The following CTNNA3 variants were observed in gnomAD, a reference collection of about 807,000 sequenced individuals.
The protein encoded by CTNNA3 is catenin alpha-3.
Under a neutral mutation model 95.7 loss-of-function variants are expected in CTNNA3, and 76 were observed. The ratio of observed to expected loss-of-function variants is 0.79; its 90% confidence interval spans 0.66 to 0.96. The LOEUF (loss-of-function observed/expected upper bound fraction) is 0.96. Among genes scored for constraint, CTNNA3 ranks in the 40% least tolerant of loss-of-function variants. The pLI is 0.00. For missense variants in CTNNA3, 1,191 were observed against 1,089.8 expected (o/e 1.09, Z -1.31); for synonymous variants, 431 against 374.4 (o/e 1.15, Z -1.74).
At chr10:66,385,318 C>T (rs4483479) in intron 11 of CTNNA3, among the ~76,000 whole-genome samples, 72,741 of 151,928 alleles carry the variant, frequency 0.48, 17,843 homozygotes, top group African/African-American at 0.58. Context: ...AACACCTCTA[C>T]GCAAATAAAC....
rs144682940 is a variant in CTNNA3, at chr10:66,556,212, A to G, written c.1375-35439T>C. On this transcript the variant is annotated intron_variant, in intron 10 of 17. Transcript: ENST00000433211. ...AATATTATACAAAAAATGAAAGATT[A>G]TAAGTGTTGGCAAGGGTGAGCAGAA... 6.2e-3 allele frequency among the ~76,000 whole-genome samples: 936 copies of G among 152,166 alleles called. 6 individuals are homozygous for G. Among genetic ancestry groups the G allele is most frequent in the Non-Finnish European group, 0.011 (765 of 67,966 alleles).
chr10:67,389,614 C>T lies in CTNNA3; in HGVS notation c.579+132228G>A, dbSNP rs1812025596. 2.0e-5 allele frequency among the ~76,000 whole-genome samples: 3 copies of T among 147,746 alleles called. No homozygotes were observed. The South Asian group carries it at 6.5e-4, about 32-fold the overall frequency. On this transcript the variant is annotated intron_variant, in intron 5 of 17. Coordinates refer to ENST00000433211, the MANE Select transcript of CTNNA3 (RefSeq NM_013266.4). ...AAATCAACAGAATATACATTTTTTTCAGCACCACACCACACCTATTCCAAA... is the reference window on the plus strand; with the variant it reads ...AAATCAACAGAATATACATTTTTTTTAGCACCACACCACACCTATTCCAAA...
intron 11 of CTNNA3, among the ~76,000 whole-genome samples, chr10:66,516,795 T>A (rs1345771502): frequency 6.6e-6 from 1 of 152,210 alleles, no homozygotes; most frequent in African/African-American, 2.4e-5. Context: ...AAAGACTTTC[T>A]TCTCTAAAGT....
At chr10:66,582,916 TTC>T (rs1009001789) in intron 10 of CTNNA3, among the ~76,000 whole-genome samples, 3 of 151,816 alleles carry the variant, frequency 2.0e-5, no homozygotes, top group African/African-American at 4.8e-5. Context: ...TTTAAAAAAA[TTC>T]TGTTTATCTG....
intron 7 of CTNNA3, among the ~76,000 whole-genome samples, chr10:67,046,773 G>A (rs1854777567): frequency 6.6e-6 from 1 of 152,090 alleles, no homozygotes; most frequent in Admixed American, 6.5e-5. Context: ...TAAAAGCAGG[G>A]ACTCAGAGCC....
chr10:66,088,028 A>G (rs1293937539), intron 14 of CTNNA3, among the ~76,000 whole-genome samples: 2 of 152,048 alleles, frequency 1.3e-5, no homozygotes, highest in African/African-American at 2.4e-5. Flanking sequence ...TAAGAAAATC[A>G]AATGGATTAA....
chr10:66,734,885 A>AG (rs1033310487), intron 9 of CTNNA3, among the ~76,000 whole-genome samples: 3 of 151,776 alleles, frequency 2.0e-5, no homozygotes, highest in Non-Finnish European at 2.9e-5. Flanking sequence ...AAAAAAAAAA[A>AG]AAAGAAATTT....
chr10:66,711,201 G>A (rs1208206133), intron 9 of CTNNA3, among the ~76,000 whole-genome samples: 1 of 135,468 alleles, frequency 7.4e-6, no homozygotes, highest in African/African-American at 2.8e-5. Flanking sequence ...ACAGGACCTG[G>A]AATACACAAT....
chr10:66,524,756 GA>G (rs953759632), intron 10 of CTNNA3, among the ~76,000 whole-genome samples: 2 of 150,446 alleles, frequency 1.3e-5, no homozygotes, highest in African/African-American at 2.4e-5. Flanking sequence ...TGTTTAAAAA[GA>G]AAAAAAAATA....
intron 11 of CTNNA3, among the ~76,000 whole-genome samples, chr10:66,494,354 A>C (rs1176863444): frequency 1.3e-5 from 2 of 152,246 alleles, no homozygotes; most frequent in African/African-American, 4.8e-5. Context: ...TGTGTAGCAG[A>C]TACTGCCAGG....
At chr10:67,438,075 T>C (rs1476944314) in intron 5 of CTNNA3, among the ~76,000 whole-genome samples, 1 of 151,840 alleles carries the variant, frequency 6.6e-6, no homozygotes, top group Non-Finnish European at 1.5e-5. Context: ...CAACAAATAA[T>C]GGCTTGGAGG....
intron 5 of CTNNA3, among the ~76,000 whole-genome samples, chr10:67,482,047 T>C (rs1848253629): frequency 6.6e-6 from 1 of 150,906 alleles, no homozygotes; most frequent in Admixed American, 6.6e-5. Context: ...TTGTCAAAGA[T>C]CAGATAGTTG....
chr10:67,398,050 G>T (rs1362374595), intron 5 of CTNNA3, among the ~76,000 whole-genome samples: 1 of 152,232 alleles, frequency 6.6e-6, no homozygotes, highest in Non-Finnish European at 1.5e-5. Flanking sequence ...GAAATGTGGT[G>T]TGGGAGCCCC....
At chr10:66,928,706 C>A (rs970111948) in intron 7 of CTNNA3, among the ~76,000 whole-genome samples, 1 of 152,164 alleles carries the variant, frequency 6.6e-6, no homozygotes, top group Non-Finnish European at 1.5e-5. Context: ...TAATATAATA[C>A]CTATTGTATA....
intron 15 of CTNNA3, among the ~76,000 whole-genome samples, chr10:66,021,282 T>A (rs1320925683): frequency 2.0e-5 from 3 of 152,158 alleles, no homozygotes; most frequent in Admixed American, 2.0e-4. Context: ...AGGCTGAATT[T>A]ATCCAATCTT....
intron 1 of CTNNA3, among the ~76,000 whole-genome samples, chr10:67,682,203 T>C (rs1459825614): frequency 2.0e-5 from 3 of 149,116 alleles, no homozygotes; most frequent in Non-Finnish European, 4.5e-5. Flanking sequence ...GGTGGGCGCC[T>C]ATAGTCCCAG....
At chr10:66,217,695 TG>T (rs1442176428) in intron 13 of CTNNA3, among the ~76,000 whole-genome samples, 1 of 152,216 alleles carries the variant, frequency 6.6e-6, no homozygotes, top group African/African-American at 2.4e-5. Flanking sequence ...AGTTTATTTT[TG>T]TTTGTTTTTA....
intron 7 of CTNNA3, among the ~76,000 whole-genome samples, chr10:66,824,392 T>C (rs1237741099): frequency 6.6e-6 from 1 of 152,206 alleles, no homozygotes; most frequent in East Asian, 1.9e-4. Context: ...GAATGATGGC[T>C]ATCTCAGAAG....
At chr10:66,483,084 G>A (rs191182930) in intron 11 of CTNNA3, among the ~76,000 whole-genome samples, 165 of 152,292 alleles carry the variant, frequency 1.1e-3, no homozygotes, top group African/African-American at 3.8e-3. Context: ...GTAGCTGGGG[G>A]AAGACTTGGA....
Sources: gnomAD v4.1 joint callset for allele counts (sites outside exome capture counted in the v4.1 genomes callset) on GRCh38, gnomAD v4.1.1 for gene constraint, MANE v1.5 for transcripts, NCBI Gene and HGNC (gene_info 2026-07-23, HGNC 2026-07-21) for gene names.